Variants in HCN1 observed in about 807,000 individuals in gnomAD.
The protein encoded by HCN1 is potassium/sodium hyperpolarization-activated cyclic nucleotide-gated channel 1.
HCN1 carries 13 observed loss-of-function variants against 78.9 expected under a neutral mutation model. The ratio of observed to expected loss-of-function variants is 0.16; its 90% CI spans 0.11 to 0.26. The LOEUF (loss-of-function observed/expected upper bound fraction) is 0.26, where lower values mean the gene tolerates loss of function less well. Among genes scored for constraint, HCN1 ranks in the 10% least tolerant of loss-of-function variants. The probability of loss-of-function intolerance (pLI) is 1.00; values close to 1 mark genes in which losing one functional copy is unlikely to be tolerated. For synonymous variants in HCN1, 552 were observed against 455.5 expected, an observed-to-expected ratio of 1.21 and a Z score of -2.70; for missense variants, 810 against 1,154.3, an observed-to-expected ratio of 0.70 and a Z score of 4.32.
chr5:45,626,800 C>T (rs1745170260), intron 2 of HCN1, among the ~76,000 whole-genome samples: 1 of 151,898 alleles, frequency 6.6e-6, no homozygotes, highest in African/African-American at 2.4e-5. Context: ...TCTAAGTTAT[C>T]AGAAGGTTTC....
chr5:45,641,330 G>C (rs1195826227), intron 2 of HCN1, among the ~76,000 whole-genome samples: 1 of 152,062 alleles, frequency 6.6e-6, no homozygotes, highest in African/African-American at 2.4e-5. Flanking sequence ...TTACTGCTCT[G>C]TTGTTATACA....
At chr5:45,570,021 T>G (rs1434175990) in intron 2 of HCN1, among the ~76,000 whole-genome samples, 1 of 152,086 alleles carries the variant, frequency 6.6e-6, no homozygotes. Context: ...AAGTAAAAAA[T>G]TTGTAGGTAT....
chr5:45,676,724 G>A (rs762360205), intron 1 of HCN1, among the ~76,000 whole-genome samples: 13 of 151,736 alleles, frequency 8.6e-5, no homozygotes, highest in Non-Finnish European at 1.8e-4. Context: ...GTAAAGGAAT[G>A]GTCATTTACA....
intron 4 of HCN1, among the ~76,000 whole-genome samples, chr5:45,390,442 T>C (rs1332005808): frequency 6.6e-6 from 1 of 152,078 alleles, no homozygotes; most frequent in Admixed American, 6.6e-5. Context: ...ATTAATTAAA[T>C]GGAAAATACA....
At chr5:45,405,426 C>T (rs1412210583) in intron 3 of HCN1, among the ~76,000 whole-genome samples, 1 of 151,998 alleles carries the variant, frequency 6.6e-6, no homozygotes, top group African/African-American at 2.4e-5. Context: ...TTAATTATTT[C>T]GAGACAGGGT....
At chr5:45,668,792 AAATT>A (rs1195226197) in intron 1 of HCN1, among the ~76,000 whole-genome samples, 2 of 151,858 alleles carry the variant, frequency 1.3e-5, no homozygotes, top group African/African-American at 2.4e-5. Context: ...GCTATTTTCC[AAATT>A]AATTGCTCTT....
In HCN1 at chr5:45,358,195, G is replaced by A. The variant is rs921416387; in HGVS notation, c.1231-4949C>T. Among the ~76,000 whole-genome samples the A allele has an allele frequency of 2.0e-5, 3 of 152,162 alleles. No individual in the cohort carries two copies. The South Asian group carries it at 6.2e-4, about 32-fold the overall frequency. Reference sequence around the variant, plus strand: ...GAGAAGATAATGGAAAATAGAAGTGGCAATGGAAATCATAAGTATAATAAC... The same window carrying A: ...GAGAAGATAATGGAAAATAGAAGTGACAATGGAAATCATAAGTATAATAAC... On this transcript the variant is annotated intron_variant, in intron 4 of 7. Coordinates refer to ENST00000303230, the MANE Select transcript of HCN1 (RefSeq NM_021072.4).
intron 6 of HCN1, among the ~76,000 whole-genome samples, chr5:45,301,374 G>T (rs1745617346): frequency 7.1e-6 from 1 of 141,476 alleles, no homozygotes; most frequent in Non-Finnish European, 1.5e-5. Context: ...TATAATAACA[G>T]AGTAGTCATG....
At chr5:45,586,323 C>G (rs1427010998) in intron 2 of HCN1, among the ~76,000 whole-genome samples, 1 of 152,136 alleles carries the variant, frequency 6.6e-6, no homozygotes, top group Non-Finnish European at 1.5e-5. Context: ...CCCTCTGAGC[C>G]AAGCACGGGA....
chr5:45,271,011 A>G (rs568072735), intron 6 of HCN1, among the ~76,000 whole-genome samples: 5 of 152,228 alleles, frequency 3.3e-5, no homozygotes, highest in South Asian at 2.1e-4. Flanking sequence ...ATTACTAAGT[A>G]ATCATGGCTT....
At chr5:45,380,665 C>T (rs1222515501) in intron 4 of HCN1, among the ~76,000 whole-genome samples, 2 of 152,190 alleles carry the variant, frequency 1.3e-5, no homozygotes, top group East Asian at 1.9e-4. Context: ...ATGGCCATGA[C>T]ACCTAATAAG....
chr5:45,274,642 A>G lies in HCN1; in HGVS notation c.1619-7389T>C, dbSNP rs370220529. 2.2e-4 allele frequency among the ~76,000 whole-genome samples: 34 copies of G among 152,296 alleles called. No homozygotes were observed. In the East Asian group the frequency reaches 6.6e-3, roughly 29 times the overall value. On this transcript the variant is annotated intron_variant, in intron 6 of 7. Coordinates refer to ENST00000303230, the MANE Select transcript of HCN1 (RefSeq NM_021072.4). The stretch of plus-strand genomic sequence containing the variant: ...TTGATGGTACCTGCTAGAAGCAAAT[A>G]AAAGTAATGCTTCACACATCAAGTA...
intron 2 of HCN1, among the ~76,000 whole-genome samples, chr5:45,495,721 G>A (rs1029735580): frequency 4.6e-5 from 7 of 152,134 alleles, no homozygotes; most frequent in African/African-American, 1.4e-4. Flanking sequence ...CATTCACTAT[G>A]ATATTGGCTG....
chr5:45,467,083 A>C (rs1190517350), intron 2 of HCN1, among the ~76,000 whole-genome samples: 1 of 152,010 alleles, frequency 6.6e-6, no homozygotes, highest in Non-Finnish European at 1.5e-5. Context: ...TCTTCTTTCC[A>C]CTATTCCTTC....
chr5:45,328,257 AT>A (rs112549933), intron 5 of HCN1, among the ~76,000 whole-genome samples: 6,560 of 147,436 alleles, frequency 0.044, 451 homozygotes, highest in African/African-American at 0.15. Flanking sequence ...CAAAACTAGC[AT>A]TTTTTTTTTT....
At chr5:45,322,460 T>G (rs990141583) in intron 5 of HCN1, among the ~76,000 whole-genome samples, 2 of 151,886 alleles carry the variant, frequency 1.3e-5, no homozygotes, top group African/African-American at 4.8e-5. Context: ...GAATGTCTTA[T>G]GTGAAATGCT....
At chr5:45,516,930 ATTC>A in intron 2 of HCN1, among the ~76,000 whole-genome samples, 1 of 152,120 alleles carries the variant, frequency 6.6e-6, no homozygotes, top group East Asian at 1.9e-4. Context: ...AGTAAAAAAA[ATTC>A]TTCTGCTAAG....
intron 2 of HCN1, among the ~76,000 whole-genome samples, chr5:45,588,772 T>C (rs1030382082): frequency 1.2e-4 from 18 of 152,180 alleles, no homozygotes; most frequent in Admixed American, 5.2e-4. Flanking sequence ...CTATTACTGC[T>C]AACAGTAACG....
At chr5:45,346,846 A>C (rs1174304057) in intron 5 of HCN1, among the ~76,000 whole-genome samples, 1 of 152,226 alleles carries the variant, frequency 6.6e-6, no homozygotes, top group African/African-American at 2.4e-5. Flanking sequence ...TTGCTTAGGT[A>C]AACAAAGCAG....
Sources: allele counts gnomAD v4.1 joint callset (sites outside exome capture counted in the v4.1 genomes callset), GRCh38; gene constraint gnomAD v4.1.1; transcripts MANE v1.5; gene names NCBI Gene and HGNC (gene_info 2026-07-23, HGNC 2026-07-21).